CAPN9: variants seen among roughly 807,000 people sequenced by gnomAD.
The protein encoded by CAPN9 is calpain-9.
In CAPN9, 81 loss-of-function variants were observed where a neutral mutation model predicts 92.8. That is an observed-to-expected ratio of 0.87 (90% CI 0.73 to 1.05). The LOEUF (loss-of-function observed/expected upper bound fraction) is 1.05. Ranked by LOEUF, CAPN9 falls within the 50% of genes least tolerant of loss-of-function variation. The pLI is 0.00. For synonymous variants in CAPN9, 304 were observed against 328.0 expected (o/e 0.93, Z 0.79); for missense variants, 848 against 866.2 (o/e 0.98, Z 0.26).
At chr1:230,755,001 C>G (rs1665133829) in intron 1 of CAPN9, among the ~76,000 whole-genome samples, 1 of 152,178 alleles carries the variant, frequency 6.6e-6, no homozygotes, top group Non-Finnish European at 1.5e-5. Flanking sequence ...GACTCCTAGC[C>G]CAGTGCCTGA....
intron 5 of CAPN9, among the ~76,000 whole-genome samples, chr1:230,768,379 C>CCT (rs1424671697): frequency 6.6e-6 from 1 of 152,150 alleles, no homozygotes; most frequent in Non-Finnish European, 1.5e-5. Context: ...TTCTCAGCTG[C>CCT]CTCTGTTCTC....
At chr1:230,761,817 G>C (rs991052331) in intron 3 of CAPN9, among the ~76,000 whole-genome samples, 7 of 152,248 alleles carry the variant, frequency 4.6e-5, no homozygotes, top group Non-Finnish European at 7.3e-5. Context: ...AAACTACCAT[G>C]GTCCTTGACT....
chr1:230,777,842 C>A (rs536617280), intron 8 of CAPN9, among the ~76,000 whole-genome samples: 1 of 152,194 alleles, frequency 6.6e-6, no homozygotes, highest in East Asian at 1.9e-4. Context: ...CTGTCCTGGC[C>A]CCCTCTCATC....
chr1:230,766,084 CT>C (rs59596870), intron 4 of CAPN9, among the ~76,000 whole-genome samples: 2 of 151,264 alleles, frequency 1.3e-5, no homozygotes, highest in Non-Finnish European at 2.9e-5. Context: ...TAGCCCCACT[CT>C]TTTTTTTATT....
At chr1:230,751,500 A>G (rs1664763661) in intron 1 of CAPN9, among the ~76,000 whole-genome samples, 1 of 150,714 alleles carries the variant, frequency 6.6e-6, no homozygotes, top group African/African-American at 2.5e-5. Flanking sequence ...GGGAGGAAGG[A>G]AGGAAAGAAG....
chr1:230,792,829 C>T (rs1266345584), intron 16 of CAPN9, 21 bp from the exon 17 acceptor site: 3 of 1,606,414 alleles, frequency 1.9e-6, no homozygotes, highest in East Asian at 2.2e-5. Context: ...CTTCTCAAGG[C>T]TTCTGCTCTC....
At chr1:230,793,568 G>A (rs927081919) in intron 17 of CAPN9, among the ~76,000 whole-genome samples, 1 of 152,200 alleles carries the variant, frequency 6.6e-6, no homozygotes, top group African/African-American at 2.4e-5. Context: ...TTCCACGAGC[G>A]CTCTGCAGAC....
At chr1:230,767,795 AC>A in intron 5 of CAPN9, 86 bp downstream of exon 5, 1 of 1,239,406 alleles carries the variant, frequency 8.1e-7, no homozygotes, top group Non-Finnish European at 1.1e-6. Flanking sequence ...TGTACCAGGT[AC>A]CCCAGCCACA....
At chr1:230,770,804 G>A (rs1318965601) in intron 6 of CAPN9, among the ~76,000 whole-genome samples, 1 of 152,196 alleles carries the variant, frequency 6.6e-6, no homozygotes, top group Non-Finnish European at 1.5e-5. Context: ...CTTAGAAGGT[G>A]CAGATGCACC....
At chr1:230,751,116 C>T (rs1664731708) in intron 1 of CAPN9, among the ~76,000 whole-genome samples, 1 of 152,186 alleles carries the variant, frequency 6.6e-6, no homozygotes, top group Non-Finnish European at 1.5e-5. Context: ...CGAAAGTGCC[C>T]ACACCCCTCT....
chr1:230,769,481 A>G (rs763953652), intron 6 of CAPN9, among the ~76,000 whole-genome samples: 1 of 152,214 alleles, frequency 6.6e-6, no homozygotes, highest in Non-Finnish European at 1.5e-5. Flanking sequence ...AGCAGCTGTA[A>G]GCGCCTGGTC....
At chr1:230,782,889 G>C (rs933646227) in intron 11 of CAPN9, among the ~76,000 whole-genome samples, 3 of 152,140 alleles carry the variant, frequency 2.0e-5, no homozygotes, top group Non-Finnish European at 2.9e-5. Context: ...GGTGGCACGT[G>C]CCTGTAATCC....
rs115014062 is a variant in CAPN9 at position 230,801,496 on chromosome 1, G to C, written c.2047-74G>C. On this transcript the variant is annotated intron_variant, in intron 19 of 19. Coordinates refer to ENST00000271971, the MANE Select transcript of CAPN9 (RefSeq NM_006615.3). The stretch of plus-strand genomic sequence containing the variant: ...ATCTCCTGTGATATCAGCAAACTGG[G>C]GCCACTCCTGAGGCTGAGGCTGGAA... 888 of 1,443,586 alleles carry C rather than the reference G, an allele frequency of 6.2e-4. 5 individuals carry two copies. In the African/African-American group the frequency reaches 9.2e-3, roughly 15 times the overall value. 89.4% of individuals were successfully genotyped at this position (1,443,586 alleles called of 1,614,324 possible).
rs1406573793 is a variant in CAPN9 at position 230,772,444 on chromosome 1, C to T, written c.875+345C>T. On this transcript the variant is annotated intron_variant, in intron 7 of 19. Coordinates refer to ENST00000271971, the MANE Select transcript of CAPN9 (RefSeq NM_006615.3). ...GTGAGTAACTCCAGTAAGCAGTGTG[C>T]ATATGCATAAGTGCGTGTGTGTTTG... Among the ~76,000 whole-genome samples, 3 of 151,962 alleles carry T rather than the reference C, an allele frequency of 2.0e-5. No homozygotes were observed. In the East Asian group the frequency reaches 5.8e-4, roughly 29 times the overall value.
intron 5 of CAPN9, 58 bp from the exon 6 acceptor site, chr1:230,769,122 C>A: frequency 7.2e-7 from 1 of 1,391,942 alleles, no homozygotes; most frequent in Non-Finnish European, 1.0e-6. Context: ...TGGGTCTGAT[C>A]CAGCAGGGGA....
At chr1:230,762,372 T>C (rs576454354) in intron 3 of CAPN9, among the ~76,000 whole-genome samples, 2 of 152,378 alleles carry the variant, frequency 1.3e-5, no homozygotes, top group African/African-American at 4.8e-5. Flanking sequence ...GAGTGTCTAC[T>C]TGTGAGTCCT....
intron 4 of CAPN9, among the ~76,000 whole-genome samples, chr1:230,763,581 C>G (rs989935121): frequency 6.6e-6 from 1 of 152,186 alleles, no homozygotes; most frequent in Non-Finnish European, 1.5e-5. Context: ...AAGGCCACAA[C>G]AGCCTGAATT....
At position 230,767,725 on chromosome 1, in the gene CAPN9, G is replaced by A; in HGVS notation, c.705+16G>A. ...CTTCATTGATGTAAGTTGCTCATGG[G>A]CTCCCATTCCAGGCACTATGCTGGG... On this transcript the variant is annotated intron_variant, in intron 5 of 19. Coordinates refer to ENST00000271971, the MANE Select transcript of CAPN9 (RefSeq NM_006615.3). 1 of 1,609,768 alleles carries A rather than the reference G, an allele frequency of 6.2e-7. No individual in the cohort carries two copies. The highest frequency in any genetic ancestry group is 2.2e-5 in the East Asian group (1 of 44,790).
intron 1 of CAPN9, among the ~76,000 whole-genome samples, chr1:230,750,986 C>A (rs533617370): frequency 4.3e-4 from 66 of 152,282 alleles, no homozygotes; most frequent in African/African-American, 1.6e-3. Flanking sequence ...GGTGAGGTCT[C>A]CCAGCCTGAT....
Sources: gnomAD v4.1 joint callset for allele counts (sites outside exome capture counted in the v4.1 genomes callset) on GRCh38, gnomAD v4.1.1 for gene constraint, MANE v1.5 for transcripts, NCBI Gene and HGNC (gene_info 2026-07-23, HGNC 2026-07-21) for gene names.